The following SLC12A3 variants were observed in gnomAD, a reference collection of about 807,000 sequenced individuals.
SLC12A3 encodes the protein solute carrier family 12 member 3.
A neutral mutation model predicts 121.0 loss-of-function variants in SLC12A3; 104 were observed. The ratio of observed to expected loss-of-function variants is 0.86; its 90% CI spans 0.73 to 1.01. The LOEUF (loss-of-function observed/expected upper bound fraction) is 1.01, where lower values mean the gene tolerates loss of function less well. Ranked by LOEUF, SLC12A3 falls within the 50% of genes least tolerant of loss-of-function variation. SLC12A3 has a pLI of 0.00. For synonymous variants in SLC12A3, 536 were observed against 533.4 expected (o/e 1.00, Z -0.07); for missense variants, 1,328 against 1,356.3 (o/e 0.98, Z 0.33).
In SLC12A3 at chr16:56,887,798, A is replaced by T. The variant is rs371445747; in HGVS notation, c.2179-127A>T. On this transcript the variant is annotated intron_variant, in intron 17 of 25. Transcript: ENST00000563236. ...TATATATATATATATATATATATAT[A>T]TTTTTTTTTTTTTTTTTTTTGAGAA... 7.2e-3 allele frequency: 495 copies of T among 68,498 alleles called. 14 individuals carry two copies. The highest frequency in any genetic ancestry group is 0.011 in the African/African-American group (200 of 17,442). 4.2% of individuals were successfully genotyped at this position (68,498 alleles called of 1,614,324 possible). A position where few individuals can be genotyped will look rare whatever the true frequency, so the allele number is the denominator to read the frequency against.
Position 56,915,813 on chromosome 16 carries a change from T to C in SLC12A3, c.*2408T>C, listed in dbSNP as rs985449528. 2 of 152,198 alleles carry C rather than the reference T, an allele frequency of 1.3e-5. No individual in the cohort carries two copies. The highest frequency in any genetic ancestry group is 4.1e-4 in the South Asian group (2 of 4,834). The allele number at this position is 152,198 out of a possible 1,614,324, so 9.4% of individuals were successfully genotyped here. On this transcript the variant is annotated 3_prime_UTR_variant, in exon 26 of 26. Coordinates refer to ENST00000563236, the MANE Select transcript of SLC12A3 (RefSeq NM_001126108.2). ...GCTTTAACAGCGAGGCCATAAACAATGAAATGAATAAAAACGGTGGTCATT... is the reference window on the plus strand; with the variant it reads ...GCTTTAACAGCGAGGCCATAAACAACGAAATGAATAAAAACGGTGGTCATT...
chr16:56,873,329 C>T (rs1424672774), intron 8 of SLC12A3, among the ~76,000 whole-genome samples: 4 of 150,816 alleles, frequency 2.7e-5, no homozygotes, highest in African/African-American at 4.9e-5. Flanking sequence ...CAACTCCGTA[C>T]GCTTGCTTTT....
intron 25 of SLC12A3, 26 bp downstream of exon 25, chr16:56,904,488 G>A: frequency 1.9e-6 from 3 of 1,608,314 alleles, no homozygotes; most frequent in Admixed American, 1.7e-5. Context: ...CTGGTGGGAG[G>A]ACCAGTCTGT....
At chr16:56,902,531 G>A (rs1400718286) in intron 24 of SLC12A3, 23 bp downstream of exon 24, 24 of 714,498 alleles carry the variant, frequency 3.4e-5, no homozygotes, top group Middle Eastern at 3.2e-4. Context: ...GTGGGGGTGG[G>A]AAACGCGACA....
At chr16:56,867,599 A>G (rs1199843191) in intron 2 of SLC12A3, among the ~76,000 whole-genome samples, 2 of 152,168 alleles carry the variant, frequency 1.3e-5, no homozygotes, top group Non-Finnish European at 2.9e-5. Context: ...TGGGATGTAG[A>G]AGGCTTTAGC....
intron 14 of SLC12A3, among the ~76,000 whole-genome samples, chr16:56,884,855 C>A (rs1251871540): frequency 2.0e-5 from 3 of 152,104 alleles, no homozygotes; most frequent in African/African-American, 7.2e-5. Flanking sequence ...CAACCTCCAC[C>A]TCCCGGGTTC....
intron 22 of SLC12A3, among the ~76,000 whole-genome samples, chr16:56,898,538 A>G (rs1018665485): frequency 6.6e-6 from 1 of 152,266 alleles, no homozygotes; most frequent in East Asian, 1.9e-4. Context: ...GATTACAGGC[A>G]TGAGCCACTG....
rs149767532 is a variant in SLC12A3 at position 56,913,381 on chromosome 16, C to T, written c.3042C>T (p.Asn1014=). The T allele has an allele frequency of 2.7e-5, 43 of 1,614,080 alleles. No individual in the cohort carries two copies. The highest frequency in any genetic ancestry group is 8.8e-5 in the South Asian group (8 of 91,092). ...PVILIRGNQE[N]VLTFYCQ ...TCCTGATCCGAGGAAACCAGGAAAACGTGCTCACCTTTTACTGCCAGTAAC... is the reference window on the plus strand; with the variant it reads ...TCCTGATCCGAGGAAACCAGGAAAATGTGCTCACCTTTTACTGCCAGTAAC... Residue 1014 remains asparagine (N), a synonymous_variant, in exon 26 of 26, where the codon AAC becomes AAT. Coordinates refer to ENST00000563236, the MANE Select transcript of SLC12A3 (RefSeq NM_001126108.2).
At position 56,913,534 on chromosome 16, in the gene SLC12A3, C is replaced by A; in HGVS notation, c.*129C>A. ...TAAGTGGCAGCATCTGATGATCTCA[C>A]CGAAAAAGATGGTAGATTTCCAAAT... On this transcript the variant is annotated 3_prime_UTR_variant, in exon 26 of 26. Coordinates refer to ENST00000563236, the MANE Select transcript of SLC12A3 (RefSeq NM_001126108.2). 1.0e-6 allele frequency: 1 copy of A among 973,334 alleles called. No individual in the cohort carries two copies. Among genetic ancestry groups the A allele is most frequent in the Non-Finnish European group, 1.7e-6 (1 of 602,980 alleles). 60.3% of individuals were successfully genotyped at this position (973,334 alleles called of 1,614,324 possible).
chr16:56,895,585 C>T (rs1308944093), intron 22 of SLC12A3, among the ~76,000 whole-genome samples: 1 of 151,610 alleles, frequency 6.6e-6, no homozygotes, highest in African/African-American at 2.4e-5. Context: ...GGAGAACACG[C>T]CTCCTCCTGA....
At chr16:56,906,943 A>T (rs1305430390) in intron 25 of SLC12A3, 5 of 410,284 alleles carry the variant, frequency 1.2e-5, no homozygotes, top group African/African-American at 1.1e-4. Context: ...ATTGGATCAC[A>T]GCCAAAGGAG....
At chr16:56,907,130 T>G (rs1259211412) in intron 25 of SLC12A3, 7 of 170,774 alleles carry the variant, frequency 4.1e-5, no homozygotes, top group African/African-American at 1.7e-4. Flanking sequence ...TTAGCGGAAT[T>G]TTGTCACCAG....
At chr16:56,871,363 A>G (rs1249747126) in intron 6 of SLC12A3, among the ~76,000 whole-genome samples, 2 of 152,224 alleles carry the variant, frequency 1.3e-5, no homozygotes, top group African/African-American at 4.8e-5. Flanking sequence ...TTATGGCACC[A>G]TCTGGAAGTT....
chr16:56,882,365 G>A, intron 12 of SLC12A3, 31 bp from the exon 13 acceptor site: 1 of 1,583,636 alleles, frequency 6.3e-7, no homozygotes, highest in Non-Finnish European at 8.7e-7. Context: ...TTGCCCAACA[G>A]GCTGTCCTCT....
chr16:56,886,410 C>G lies in SLC12A3; in HGVS notation c.1972C>G (p.Leu658Val). The G allele has an allele frequency of 1.2e-6, 2 of 1,614,152 alleles. No homozygotes were observed. The highest frequency in any genetic ancestry group is 2.7e-5 in the African/African-American group (2 of 75,078). Residue 658 changes from leucine to valine, a missense_variant, in exon 16 of 26, where the codon CTG becomes GTG. Transcript: ENST00000563236. ...GGGGCCCCCCAACTTCCGCCCGGCC[C>G]TGGTGGACTTTGTGGGCACCTTCAC... ...LTGPPNFRPA[L>V]VDFVGTFTRN...
At chr16:56,868,569 G>A (rs1453925647) in intron 3 of SLC12A3, among the ~76,000 whole-genome samples, 197 bp downstream of exon 3, 1 of 152,246 alleles carries the variant, frequency 6.6e-6, no homozygotes, top group East Asian at 1.9e-4. Context: ...TGTGGCAGAG[G>A]CACGCTGGAC....
At chr16:56,890,866 C>A (rs929439726) in intron 19 of SLC12A3, among the ~76,000 whole-genome samples, 3 of 148,554 alleles carry the variant, frequency 2.0e-5, no homozygotes, top group Non-Finnish European at 3.0e-5. Flanking sequence ...CGCGCCATTG[C>A]ACTCCATCCT....
Position 56,868,371 on chromosome 16 carries a change from C to T in SLC12A3, c.504C>T (p.Ile168=), listed in dbSNP as rs202087190. 5.0e-6 allele frequency: 8 copies of T among 1,611,816 alleles called. No individual in the cohort carries two copies. The African/African-American group carries it at 6.7e-5, about 13-fold the overall frequency. Residue 168 remains isoleucine (I), a splice_region_variant and synonymous_variant, in exon 3 of 26, where the codon ATC becomes ATT. Coordinates refer to ENST00000563236, the MANE Select transcript of SLC12A3 (RefSeq NM_001126108.2). ...RLPWITAQAG[I]VLTWIIILLS... ...CCTGGATTACGGCCCAGGCAGGCATCGGTGAGTGCCCCTCTGGGGAAGAGG... is the reference window on the plus strand; with the variant it reads ...CCTGGATTACGGCCCAGGCAGGCATTGGTGAGTGCCCCTCTGGGGAAGAGG...
chr16:56,868,273 C>T (rs749394453), intron 2 of SLC12A3, 24 bp from the exon 3 acceptor site: 2 of 1,611,906 alleles, frequency 1.2e-6, no homozygotes, highest in Admixed American at 1.7e-5. Context: ...ACCCAGGTGG[C>T]CTCTGACCCC....
Sources: gnomAD v4.1 joint callset for allele counts (sites outside exome capture counted in the v4.1 genomes callset) on GRCh38, gnomAD v4.1.1 for gene constraint, MANE v1.5 for transcripts, NCBI Gene and HGNC (gene_info 2026-07-23, HGNC 2026-07-21) for gene names.